The following TRIM65 variants were observed in gnomAD, a reference collection of about 807,000 sequenced individuals.
TRIM65 encodes the protein tripartite motif containing 65.
Under a neutral mutation model 36.1 loss-of-function variants are expected in TRIM65, and 46 were observed. That is an observed-to-expected ratio of 1.27 (90% confidence interval 1.01 to 1.63). The LOEUF (loss-of-function observed/expected upper bound fraction) is 1.63. Ranked by LOEUF, TRIM65 falls within the 40% of genes most tolerant of loss-of-function variation. TRIM65 has a pLI of 0.00. For synonymous variants in TRIM65, 346 were observed against 313.6 expected (o/e 1.10, Z -1.09); for missense variants, 708 against 696.6 (o/e 1.02, Z -0.18).
chr17:75,896,707 G>T lies in TRIM65; in HGVS notation c.231C>A (p.Pro77=). Residue 77 remains proline (P), a synonymous_variant, in exon 1 of 6, where the codon CCC becomes CCA. Transcript: ENST00000269383. ...CGGGATCGGGGCCGGGATCCCGGGC[G>T]GGCCCGGCGCGCACCACCTCCAGCA... ...SGVLEVVRAG[P]ARDPGPDPGP... is the part of the protein sequence containing the mutation. 4 of 1,349,246 alleles carry T rather than the reference G, an allele frequency of 3.0e-6. No homozygotes were observed. The highest frequency in any genetic ancestry group is 3.8e-6 in the Non-Finnish European group (4 of 1,053,864). 83.6% of individuals were successfully genotyped at this position (1,349,246 alleles called of 1,614,324 possible).
chr17:75,882,737 G>C (rs1163219802), intron 4 of TRIM65, among the ~76,000 whole-genome samples: 1 of 150,620 alleles, frequency 6.6e-6, no homozygotes, highest in African/African-American at 2.5e-5. Context: ...CACATAACTT[G>C]TCCTGCAGAG....
chr17:75,883,472 T>G (rs2065182091), intron 4 of TRIM65, among the ~76,000 whole-genome samples: 1 of 151,930 alleles, frequency 6.6e-6, no homozygotes, highest in Non-Finnish European at 1.5e-5. Context: ...GTTAAAAAGC[T>G]TTTTTGTTTT....
intron 1 of TRIM65, among the ~76,000 whole-genome samples, chr17:75,894,362 G>A (rs767994836): frequency 2.6e-5 from 4 of 152,168 alleles, no homozygotes; most frequent in Non-Finnish European, 5.9e-5. Context: ...TCAAGGGCAC[G>A]GACCACCTCC....
chr17:75,885,808 G>A (rs2065202754), downstream of TRIM65, among the ~76,000 whole-genome samples: 1 of 152,180 alleles, frequency 6.6e-6, no homozygotes, highest in Admixed American at 6.5e-5. Context: ...AGGATCTCAA[G>A]GGCTGGCTCC....
chr17:75,880,899 G>A (rs2065164902), intron 4 of TRIM65, among the ~76,000 whole-genome samples: 1 of 150,416 alleles, frequency 6.6e-6, no homozygotes, highest in Admixed American at 6.6e-5. Flanking sequence ...GACTAGAAAT[G>A]TTCAGAAGGC....
chr17:75,891,355 G>A lies in TRIM65; in HGVS notation c.986-8C>T, dbSNP rs746791657. Reference sequence around the variant, plus strand: ...AGGTCAGATTGCGATAATCTGTTGGGGAAAGGAGGACAGCAGTGGGCTGGG... The same window carrying A: ...AGGTCAGATTGCGATAATCTGTTGGAGAAAGGAGGACAGCAGTGGGCTGGG... On this transcript the variant is annotated splice_region_variant and splice_polypyrimidine_tract_variant and intron_variant, in intron 5 of 5. Transcript: ENST00000269383. 1.1e-5 allele frequency: 18 copies of A among 1,613,092 alleles called. No individual in the cohort carries two copies. The highest frequency in any genetic ancestry group is 2.7e-5 in the African/African-American group (2 of 74,922).
Position 75,891,336 on chromosome 17 carries a change from G to A in TRIM65, c.997C>T (p.Leu333=). The A allele has an allele frequency of 6.2e-7, 1 of 1,613,352 alleles. No individual in the cohort carries two copies. The highest frequency in any genetic ancestry group is 8.5e-7 in the Non-Finnish European group (1 of 1,179,992). ...RRKLWQNYRN[L]TFDPVSANRH... is the part of the protein sequence containing the mutation. Reference sequence around the variant, plus strand: ...TTGGCGCTGACTGGATCAAAGGTCAGATTGCGATAATCTGTTGGGGAAAGG... The same window carrying A: ...TTGGCGCTGACTGGATCAAAGGTCAAATTGCGATAATCTGTTGGGGAAAGG... Residue 333 remains leucine (L), a synonymous_variant, in exon 6 of 6, where the codon CTG becomes TTG. Coordinates refer to ENST00000269383, the MANE Select transcript of TRIM65 (RefSeq NM_173547.4).
intron 4 of TRIM65, among the ~76,000 whole-genome samples, chr17:75,880,926 G>C (rs2065165020): frequency 6.7e-6 from 1 of 150,354 alleles, no homozygotes; most frequent in African/African-American, 2.5e-5. Flanking sequence ...TGAGTTCAGA[G>C]CTAAAGAGGA....
chr17:75,893,914 G>A (rs1025197916), intron 1 of TRIM65, among the ~76,000 whole-genome samples: 1 of 151,990 alleles, frequency 6.6e-6, no homozygotes, highest in Non-Finnish European at 1.5e-5. Flanking sequence ...TCAAACTTCC[G>A]TGCCTAGCTC....
downstream of TRIM65, among the ~76,000 whole-genome samples, chr17:75,888,185 A>G (rs966889214): frequency 6.7e-6 from 1 of 149,210 alleles, no homozygotes; most frequent in Admixed American, 6.7e-5. Flanking sequence ...AAATAAATAA[A>G]TAAATAAATA....
intron 1 of TRIM65, among the ~76,000 whole-genome samples, chr17:75,894,265 C>A (rs111623110): frequency 0.017 from 2,529 of 152,262 alleles, 32 homozygotes; most frequent in Non-Finnish European, 0.027. Flanking sequence ...AGCGTCCCTG[C>A]GCCATCCTCC....
chr17:75,887,844 AC>A (rs958112903), downstream of TRIM65, among the ~76,000 whole-genome samples: 19 of 151,594 alleles, frequency 1.3e-4, no homozygotes, highest in African/African-American at 4.6e-4. Context: ...ACATGGTGAA[AC>A]CCCATCTCTA....
chr17:75,884,410 G>C (rs187185057), downstream of TRIM65, among the ~76,000 whole-genome samples: 15 of 152,190 alleles, frequency 9.9e-5, no homozygotes, highest in Admixed American at 8.5e-4. Flanking sequence ...AGTGAGCCGA[G>C]ATCATGCCAT....
rs2144045936 is a variant in TRIM65 at position 75,890,548 on chromosome 17, G to C, written c.*231C>G. The C allele has an allele frequency of 4.4e-6, 2 of 456,004 alleles. No individual in the cohort carries two copies. The highest frequency in any genetic ancestry group is 7.6e-6 in the Non-Finnish European group (2 of 261,716). The allele number at this position is 456,004 out of a possible 1,614,324, so 28.2% of individuals were successfully genotyped here. A position where few individuals can be genotyped will look rare whatever the true frequency, so the allele number is the denominator to read the frequency against. On this transcript the variant is annotated 3_prime_UTR_variant, in exon 6 of 6. Coordinates refer to ENST00000269383, the MANE Select transcript of TRIM65 (RefSeq NM_173547.4). ...AGGCCCAGACAGTACCTAGAACTGG[G>C]TTCTCTCTGGGGCAAGGGCATCCCA...
chr17:75,888,534 G>A (rs1046583005), downstream of TRIM65, among the ~76,000 whole-genome samples: 3 of 152,174 alleles, frequency 2.0e-5, no homozygotes, highest in African/African-American at 4.8e-5. Context: ...CTTTCAGAGC[G>A]CGGCTCAGCC....
At chr17:75,893,197 A>G (rs1238644829) in intron 1 of TRIM65, among the ~76,000 whole-genome samples, 1 of 152,178 alleles carries the variant, frequency 6.6e-6, no homozygotes, top group African/African-American at 2.4e-5. Context: ...CCATCAATAC[A>G]GGAAAGCGAT....
chr17:75,894,766 T>A (rs2065321833), intron 1 of TRIM65, among the ~76,000 whole-genome samples: 1 of 152,234 alleles, frequency 6.6e-6, no homozygotes, highest in East Asian at 1.9e-4. Context: ...CCTGACCTCG[T>A]GATCCACCGG....
downstream of TRIM65, among the ~76,000 whole-genome samples, chr17:75,884,884 G>C (rs571361426): frequency 2.6e-5 from 4 of 151,704 alleles, no homozygotes; most frequent in Admixed American, 6.6e-5. Flanking sequence ...GCCCATCACA[G>C]CCTCCCAAAG....
intron 1 of TRIM65, among the ~76,000 whole-genome samples, chr17:75,894,941 G>A (rs73997652): frequency 2.7e-3 from 406 of 152,330 alleles, no homozygotes; most frequent in African/African-American, 9.2e-3. Context: ...CCCTTGGTCT[G>A]GCAGAAGAGC....
Sources: allele counts gnomAD v4.1 joint callset (sites outside exome capture counted in the v4.1 genomes callset), GRCh38; gene constraint gnomAD v4.1.1; transcripts MANE v1.5; gene names NCBI Gene and HGNC (gene_info 2026-07-23, HGNC 2026-07-21).